CHST9: variants seen among roughly 807,000 people sequenced by gnomAD.
CHST9 encodes the protein GalNAc-4-sulfotransferase 2.
Under a neutral mutation model 44.4 loss-of-function variants are expected in CHST9, and 41 were observed. The observed-to-expected ratio is 0.92, with a 90% CI of 0.72 to 1.20. CHST9 has a LOEUF of 1.20. Among genes scored for constraint, CHST9 ranks in the 50% most tolerant of loss-of-function variants. The pLI is 0.00. For missense variants in CHST9, 504 were observed against 516.5 expected, an observed-to-expected ratio of 0.98 and a Z score of 0.23; for synonymous variants, 171 against 178.4, an observed-to-expected ratio of 0.96 and a Z score of 0.33.
rs1007094325 is a variant in CHST9 at position 26,928,159 on chromosome 18, C to T, written c.241-10809G>A. On this transcript the variant is annotated intron_variant, in intron 5 of 5. Transcript: ENST00000618847. ...CAAGGCAGAAGAATTTTTCTTAGTA[C>T]AGAGCAAAATGGAGTCTCTTATGTC... 9.8e-5 allele frequency: 15 copies of T among 152,708 alleles called. No individual in the cohort carries two copies. In the South Asian group the frequency reaches 1.4e-3, roughly 15 times the overall value. 9.5% of individuals were successfully genotyped at this position (152,708 alleles called of 1,614,324 possible).
intron 1 of CHST9, among the ~76,000 whole-genome samples, chr18:27,165,949 AAT>A (rs1204832870): frequency 1.3e-5 from 2 of 152,138 alleles, no homozygotes; most frequent in African/African-American, 4.8e-5. Flanking sequence ...GCTATCACAA[AAT>A]ATATCTTCTG....
intron 4 of CHST9, among the ~76,000 whole-genome samples, chr18:27,019,609 G>A (rs764063205): frequency 1.4e-5 from 2 of 147,864 alleles, no homozygotes; most frequent in African/African-American, 2.5e-5. Context: ...TCTCCAAATC[G>A]GAGATGCTAG....
intron 1 of CHST9, among the ~76,000 whole-genome samples, chr18:27,178,340 C>G (rs2058884588): frequency 6.6e-6 from 1 of 151,932 alleles, no homozygotes; most frequent in South Asian, 2.1e-4. Flanking sequence ...CATTAAAAAG[C>G]TTCTTTCTTT....
At chr18:26,925,466 T>C (rs538046200) in intron 5 of CHST9, among the ~76,000 whole-genome samples, 1 of 152,362 alleles carries the variant, frequency 6.6e-6, no homozygotes, top group African/African-American at 2.4e-5. Flanking sequence ...TCTGTCTTAG[T>C]CATGCCTGGC....
In CHST9 at chr18:27,048,490, C is replaced by G; in HGVS notation, c.135G>C (p.Lys45Asn). Residue 45 changes from lysine (K) to asparagine (N), a missense_variant, in exon 3 of 6, where the codon AAG becomes AAC. Lys to Asn is a moderately conservative substitution (Grantham distance 94). Coordinates refer to ENST00000618847, the MANE Select transcript of CHST9 (RefSeq NM_031422.6). ...IEEQHTGRVE[K>N]RREQKVTSGW... ...CTGAAGTTACTTTTTGTTCTCTTCT[C>G]TTCTCCACTCTCCCTGAAATGAGAA... The G allele has an allele frequency of 6.2e-7, 1 of 1,606,810 alleles. No homozygotes were observed. Among genetic ancestry groups the G allele is most frequent in the Non-Finnish European group, 8.5e-7 (1 of 1,176,584 alleles).
chr18:27,077,862 C>T (rs1461940972), intron 2 of CHST9, among the ~76,000 whole-genome samples: 1 of 152,038 alleles, frequency 6.6e-6, no homozygotes, highest in Non-Finnish European at 1.5e-5. Flanking sequence ...TGGCTCGCAG[C>T]CTGTGGGCTG....
chr18:27,090,073 A>T (rs189742170), intron 2 of CHST9, among the ~76,000 whole-genome samples: 1 of 152,062 alleles, frequency 6.6e-6, no homozygotes, highest in Non-Finnish European at 1.5e-5. Flanking sequence ...GGCCTCCCAC[A>T]GTGCTGGGAT....
intron 2 of CHST9, among the ~76,000 whole-genome samples, chr18:27,111,117 G>A (rs1045666411): frequency 3.3e-5 from 5 of 152,186 alleles, no homozygotes; most frequent in African/African-American, 7.2e-5. Context: ...CTGATGCTGC[G>A]GGGCTGATGA....
chr18:26,946,288 T>C (rs1445699554), intron 4 of CHST9, among the ~76,000 whole-genome samples: 1 of 152,050 alleles, frequency 6.6e-6, no homozygotes, highest in Non-Finnish European at 1.5e-5. Flanking sequence ...ACCTGAAAGA[T>C]GATAAAGGAG....
chr18:26,960,614 G>A (rs1189673211), intron 4 of CHST9, among the ~76,000 whole-genome samples: 2 of 152,190 alleles, frequency 1.3e-5, no homozygotes, highest in African/African-American at 4.8e-5. Context: ...TAAGCATATG[G>A]GAGTTATTTA....
intron 1 of CHST9, among the ~76,000 whole-genome samples, chr18:27,147,403 TG>T (rs1437239710): frequency 6.6e-6 from 1 of 152,064 alleles, no homozygotes; most frequent in East Asian, 1.9e-4. Context: ...GGTGGGGTTT[TG>T]GGGAATGTCG....
intron 1 of CHST9, among the ~76,000 whole-genome samples, chr18:27,155,720 G>T (rs951280913): frequency 2.0e-5 from 3 of 152,134 alleles, no homozygotes; most frequent in Non-Finnish European, 2.9e-5. Context: ...TGGTTTAGGA[G>T]AATTCAATCA....
chr18:27,127,614 T>C (rs1281681166), intron 2 of CHST9, among the ~76,000 whole-genome samples: 1 of 152,028 alleles, frequency 6.6e-6, no homozygotes, highest in East Asian at 1.9e-4. Flanking sequence ...ATAGGGAAAA[T>C]ATGGTTGAAA....
At chr18:27,106,790 C>T (rs980637605) in intron 2 of CHST9, among the ~76,000 whole-genome samples, 3 of 152,122 alleles carry the variant, frequency 2.0e-5, no homozygotes, top group Non-Finnish European at 4.4e-5. Context: ...GAACAATTTA[C>T]CAGTCTATCG....
chr18:27,122,435 C>T (rs1479282716), intron 2 of CHST9, among the ~76,000 whole-genome samples: 5 of 152,142 alleles, frequency 3.3e-5, no homozygotes, highest in East Asian at 1.9e-4. Context: ...TTACAAGCAA[C>T]ATTAAAAGTT....
intron 2 of CHST9, among the ~76,000 whole-genome samples, chr18:27,093,652 G>A (rs796278807): frequency 6.6e-6 from 1 of 152,206 alleles, no homozygotes; most frequent in African/African-American, 2.4e-5. Flanking sequence ...AGTCTGTCAC[G>A]GCTTCCCTTG....
chr18:27,169,158 GT>G (rs1321856854), intron 1 of CHST9, among the ~76,000 whole-genome samples: 9 of 152,190 alleles, frequency 5.9e-5, no homozygotes, highest in Non-Finnish European at 7.3e-5. Flanking sequence ...GTCCACTTAA[GT>G]TGTTCCCATA....
chr18:27,039,420 T>C (rs1014759406), intron 3 of CHST9, among the ~76,000 whole-genome samples: 3 of 151,912 alleles, frequency 2.0e-5, no homozygotes, highest in African/African-American at 7.2e-5. Flanking sequence ...ACAAATATTG[T>C]ATGATTCTAC....
At chr18:26,944,249 CT>C (rs2056128118) in intron 5 of CHST9, 79 bp downstream of exon 5, 2 of 1,071,692 alleles carry the variant, frequency 1.9e-6, no homozygotes, top group South Asian at 2.6e-5. Context: ...ACATTACCCC[CT>C]GCCTTTTTTA....
Sources: allele counts gnomAD v4.1 joint callset (sites outside exome capture counted in the v4.1 genomes callset), GRCh38; gene constraint gnomAD v4.1.1; transcripts MANE v1.5; gene names NCBI Gene and HGNC (gene_info 2026-07-23, HGNC 2026-07-21).